Variants in GLI2 observed in about 807,000 individuals in gnomAD.
The protein encoded by GLI2 is GLI family zinc finger 2.
In GLI2, 22 loss-of-function variants were observed where a neutral mutation model predicts 78.9. That is an observed-to-expected ratio of 0.28 (90% confidence interval 0.20 to 0.40). GLI2 has a LOEUF of 0.40. Among genes scored for constraint, GLI2 ranks in the 10% least tolerant of loss-of-function variants. The pLI is 1.00. For missense variants in GLI2, 2,097 were observed against 2,213.2 expected (o/e 0.95, Z 1.05); for synonymous variants, 974 against 963.7 (o/e 1.01, Z -0.20).
chr2:120,887,574 A>G (rs945234405), intron 2 of GLI2, among the ~76,000 whole-genome samples: 1 of 152,250 alleles, frequency 6.6e-6, no homozygotes, highest in Admixed American at 6.5e-5. Flanking sequence ...GGCGGTGCAC[A>G]CACAAATCAT....
At chr2:120,820,669 C>G (rs1305184650) in intron 2 of GLI2, among the ~76,000 whole-genome samples, 1 of 152,186 alleles carries the variant, frequency 6.6e-6, no homozygotes, top group African/African-American at 2.4e-5. Context: ...TGTTTCTTCT[C>G]TTTGTGAGAG....
intron 2 of GLI2, among the ~76,000 whole-genome samples, chr2:120,851,129 AT>A (rs1279896673): frequency 6.6e-6 from 1 of 152,162 alleles, no homozygotes; most frequent in African/African-American, 2.4e-5. Flanking sequence ...GATTGCTTAG[AT>A]TTTTTTAAAA....
intron 1 of GLI2, among the ~76,000 whole-genome samples, chr2:120,776,286 G>T (rs1660117129): frequency 6.6e-6 from 1 of 152,222 alleles, no homozygotes; most frequent in Non-Finnish European, 1.5e-5. Context: ...TGCACAGCTT[G>T]TAAGAGGCTC....
rs779372422 is a variant in GLI2 at position 120,989,064 on chromosome 2, G to A, written c.3099G>A (p.Glu1033=). The A allele has an allele frequency of 6.2e-7, 1 of 1,610,450 alleles. No homozygotes were observed. The highest frequency in any genetic ancestry group is 8.5e-7 in the Non-Finnish European group (1 of 1,179,694). ...VAAGVDGAGP[E]ADLGLPEDDL... is the part of the protein sequence containing the mutation. ...CAGGAGTGGACGGCGCGGGGCCCGA[G>A]GCCGACCTGGGGCTGCCGGAGGACG... is the stretch of plus-strand genomic sequence containing the variant. The change falls in exon 14 of 14, where the codon GAG becomes GAA. Residue 1033 remains glutamate, a synonymous_variant. Transcript: ENST00000361492.
At chr2:120,765,141 G>C (rs1683328844) in intron 1 of GLI2, among the ~76,000 whole-genome samples, 1 of 152,064 alleles carries the variant, frequency 6.6e-6, no homozygotes, top group South Asian at 2.1e-4. Flanking sequence ...GGGGCTGAGG[G>C]CTCCTCTCTG....
chr2:120,980,906 A>C (rs1380310308), intron 10 of GLI2, among the ~76,000 whole-genome samples: 2 of 149,484 alleles, frequency 1.3e-5, no homozygotes, highest in Admixed American at 6.7e-5. Context: ...TTTGAGACAG[A>C]GTCTCCCTCT....
At chr2:120,985,466 T>C (rs1682929389) in intron 12 of GLI2, among the ~76,000 whole-genome samples, 2 of 152,104 alleles carry the variant, frequency 1.3e-5, no homozygotes, top group Non-Finnish European at 2.9e-5. Flanking sequence ...GCGTCTAGGC[T>C]ACAGAAGGTC....
chr2:120,860,215 G>A (rs1202465189), intron 2 of GLI2, among the ~76,000 whole-genome samples: 1 of 152,194 alleles, frequency 6.6e-6, no homozygotes, highest in Admixed American at 6.5e-5. Flanking sequence ...CTTCAGATTT[G>A]TCTTCCAGTT....
chr2:120,901,326 G>A (rs1262053889), intron 2 of GLI2, among the ~76,000 whole-genome samples: 2 of 152,240 alleles, frequency 1.3e-5, no homozygotes, highest in Non-Finnish European at 2.9e-5. Context: ...ATACAATTGG[G>A]TTCTTAAAAA....
intron 2 of GLI2, among the ~76,000 whole-genome samples, chr2:120,810,169 G>A (rs1685170476): frequency 6.6e-6 from 1 of 152,230 alleles, no homozygotes; most frequent in Non-Finnish European, 1.5e-5. Flanking sequence ...AGCCAGAGTG[G>A]CTTCAGGGGC....
At chr2:120,895,013 C>T (rs1256706540) in intron 2 of GLI2, among the ~76,000 whole-genome samples, 1 of 152,094 alleles carries the variant, frequency 6.6e-6, no homozygotes, top group Non-Finnish European at 1.5e-5. Flanking sequence ...GGTTTTCTTT[C>T]TAGTGCCTCA....
At chr2:120,833,399 A>G (rs1382885507) in intron 2 of GLI2, among the ~76,000 whole-genome samples, 2 of 152,046 alleles carry the variant, frequency 1.3e-5, no homozygotes, top group Non-Finnish European at 2.9e-5. Context: ...TGGGATCTAT[A>G]CCAAGTTCTG....
At position 120,992,050 on chromosome 2, in the gene GLI2, A is replaced by ACACACACCCCCC. The variant is rs1553480327; in HGVS notation, c.*1376_*1377insACACACCCCCCC. The ACACACACCCCCC allele has an allele frequency of 2.7e-5, 4 of 147,000 alleles. No homozygotes were observed. The highest frequency in any genetic ancestry group is 4.5e-5 in the Non-Finnish European group (3 of 67,398). 9.1% of individuals were successfully genotyped at this position (147,000 alleles called of 1,614,324 possible). ...CACACACACACACACACACACACAC[A>ACACACACCCCCC]CCCCAAACCTTTTCATGGGGAATGT... On this transcript the variant is annotated 3_prime_UTR_variant, in exon 14 of 14. Coordinates refer to ENST00000361492, the MANE Select transcript of GLI2 (RefSeq NM_001374353.1).
chr2:120,860,466 G>A (rs1687853544), intron 2 of GLI2, among the ~76,000 whole-genome samples: 1 of 152,240 alleles, frequency 6.6e-6, no homozygotes, highest in Non-Finnish European at 1.5e-5. Flanking sequence ...CATTGCAGAA[G>A]CTCAGAGGGC....
intron 2 of GLI2, among the ~76,000 whole-genome samples, chr2:120,807,850 C>T (rs1685033695): frequency 6.6e-6 from 1 of 152,160 alleles, no homozygotes. Flanking sequence ...TGGACCACCC[C>T]CCCACACACC....
At chr2:120,986,845 C>T (rs547454111) in intron 13 of GLI2, among the ~76,000 whole-genome samples, 6 of 152,314 alleles carry the variant, frequency 3.9e-5, no homozygotes, top group African/African-American at 1.4e-4. Context: ...CATTCTGAGT[C>T]CTTATAACCC....
chr2:120,810,926 T>A (rs1423810621), intron 2 of GLI2, among the ~76,000 whole-genome samples: 1 of 152,218 alleles, frequency 6.6e-6, no homozygotes, highest in Non-Finnish European at 1.5e-5. Flanking sequence ...TGCTGATGTG[T>A]GCCTGATACC....
rs1260916286 is a variant in GLI2 at position 120,776,239 on chromosome 2, T to C, written c.-30-21052T>C. ...GCAGCACCGGACATGTTGTTCCCGC[T>C]TTCTAGATGGGAAACTGAGGGTCAG... On this transcript the variant is annotated intron_variant, in intron 1 of 13. Transcript: ENST00000361492. Among the ~76,000 whole-genome samples, 7 of 152,342 alleles carry C rather than the reference T, an allele frequency of 4.6e-5. No individual in the cohort carries two copies. In the South Asian group the frequency reaches 6.2e-4, roughly 14 times the overall value.
At chr2:120,885,814 C>T (rs1010298440) in intron 2 of GLI2, among the ~76,000 whole-genome samples, 1 of 152,206 alleles carries the variant, frequency 6.6e-6, no homozygotes, top group African/African-American at 2.4e-5. Context: ...CCAAACTCCC[C>T]TCTACCTGGT....
Sources: allele counts gnomAD v4.1 joint callset (sites outside exome capture counted in the v4.1 genomes callset), GRCh38; gene constraint gnomAD v4.1.1; transcripts MANE v1.5; gene names NCBI Gene and HGNC (gene_info 2026-07-23, HGNC 2026-07-21).